KCNG2: variants seen among roughly 807,000 people sequenced by gnomAD.
KCNG2 encodes voltage-gated potassium channel regulatory subunit KCNG2.
A neutral mutation model predicts 12.3 loss-of-function variants in KCNG2; 7 were observed. The ratio of observed to expected loss-of-function variants is 0.57; its 90% CI spans 0.32 to 1.07. KCNG2 has a LOEUF of 1.07. KCNG2 is among the 50% of genes least tolerant of loss of function. The probability of loss-of-function intolerance (pLI) is 0.04; values close to 1 mark genes in which losing one functional copy is unlikely to be tolerated. For missense variants in KCNG2, 703 were observed against 726.0 expected (o/e 0.97, Z 0.36); for synonymous variants, 414 against 351.4 (o/e 1.18, Z -1.99).
chr18:79,814,896 T>C (rs1044507729), intron 1 of KCNG2, among the ~76,000 whole-genome samples: 1 of 146,062 alleles, frequency 6.8e-6, no homozygotes, highest in Non-Finnish European at 1.5e-5. Flanking sequence ...GGCCATGTGC[T>C]TTTACCCTGT....
At chr18:79,852,755 CA>C (rs932572600) in intron 1 of KCNG2, among the ~76,000 whole-genome samples, 44 of 152,264 alleles carry the variant, frequency 2.9e-4, no homozygotes, top group African/African-American at 1.1e-3. Flanking sequence ...CCCGGCCAAT[CA>C]GGGGCGGAGC....
intron 3 of KCNG2, among the ~76,000 whole-genome samples, chr18:79,897,130 GT>G (rs35142950): frequency 0.82 from 122,558 of 150,196 alleles, 52,635 homozygotes; most frequent in Non-Finnish European, 0.95. Context: ...TTAAAAAATT[GT>G]TTTTTTTTTC....
intron 1 of KCNG2, among the ~76,000 whole-genome samples, chr18:79,854,587 C>T (rs946801775): frequency 1.4e-5 from 2 of 141,378 alleles, no homozygotes; most frequent in African/African-American, 5.2e-5. Context: ...AGTGCGGTGG[C>T]GTGATCTTGG....
At chr18:79,865,296 T>A (rs1979435773) in intron 3 of KCNG2, among the ~76,000 whole-genome samples, 2 of 103,628 alleles carry the variant, frequency 1.9e-5, no homozygotes, top group African/African-American at 7.6e-5. Flanking sequence ...GTCTGTGTGC[T>A]GAGGTCTGGG....
At chr18:79,814,115 C>G (rs137926946) in intron 1 of KCNG2, among the ~76,000 whole-genome samples, 1 of 152,286 alleles carries the variant, frequency 6.6e-6, no homozygotes, top group East Asian at 1.9e-4. Context: ...CGAATGCTGA[C>G]AAAGATGCAG....
intron 1 of KCNG2, among the ~76,000 whole-genome samples, chr18:79,804,101 G>C (rs991736412): frequency 6.6e-6 from 1 of 152,190 alleles, no homozygotes; most frequent in African/African-American, 2.4e-5. Flanking sequence ...CTGCCACCTC[G>C]GGGTCTGTGC....
At chr18:79,876,734 G>T (rs182953402) in intron 3 of KCNG2, among the ~76,000 whole-genome samples, 23 of 152,222 alleles carry the variant, frequency 1.5e-4, no homozygotes, top group Non-Finnish European at 2.8e-4. Context: ...CCTGCAGACC[G>T]CCTGGTCTCG....
chr18:79,852,757 G>A (rs1049369918), intron 1 of KCNG2, among the ~76,000 whole-genome samples: 3 of 152,162 alleles, frequency 2.0e-5, no homozygotes, highest in African/African-American at 7.2e-5. Context: ...CGGCCAATCA[G>A]GGGCGGAGCC....
intron 3 of KCNG2, among the ~76,000 whole-genome samples, chr18:79,869,583 C>T (rs1979750222): frequency 6.6e-6 from 1 of 152,194 alleles, no homozygotes; most frequent in South Asian, 2.1e-4. Flanking sequence ...TGCCTTCTCA[C>T]GTGGGATCGT....
chr18:79,813,090 G>A (rs181046667), intron 1 of KCNG2, among the ~76,000 whole-genome samples: 2 of 152,240 alleles, frequency 1.3e-5, no homozygotes, highest in East Asian at 3.8e-4. Flanking sequence ...AGGAGGGGGA[G>A]GTTGCGGTGA....
chr18:79,878,075 G>A (rs935490296), intron 3 of KCNG2, among the ~76,000 whole-genome samples: 8 of 152,272 alleles, frequency 5.3e-5, no homozygotes, highest in Non-Finnish European at 7.3e-5. Flanking sequence ...GTGTGAGCGT[G>A]CCAGGAAATG....
intron 1 of KCNG2, among the ~76,000 whole-genome samples, chr18:79,853,870 C>G (rs1188609360): frequency 6.6e-6 from 1 of 152,238 alleles, no homozygotes; most frequent in Admixed American, 6.5e-5. Flanking sequence ...ACTTGAGTGG[C>G]AGGTGCCTCG....
chr18:79,894,501 T>C (rs1007185026), intron 3 of KCNG2, among the ~76,000 whole-genome samples: 11 of 152,108 alleles, frequency 7.2e-5, no homozygotes, highest in African/African-American at 1.7e-4. Flanking sequence ...TTGATATAGT[T>C]GGGTCTGTGT....
chr18:79,882,689 G>T (rs1021774148), intron 3 of KCNG2, among the ~76,000 whole-genome samples: 36 of 152,252 alleles, frequency 2.4e-4, no homozygotes, highest in African/African-American at 8.2e-4. Flanking sequence ...GAGGGTGCGC[G>T]GCCGGCAAGG....
At chr18:79,857,162 G>T (rs1424149115) in intron 2 of KCNG2, among the ~76,000 whole-genome samples, 1 of 49,212 alleles carries the variant, frequency 2.0e-5, no homozygotes, top group Non-Finnish European at 4.4e-5. Flanking sequence ...TTGGCATGGG[G>T]TGTCTGGCAC....
At chr18:79,839,300 CATAA>C (rs1024528397) in intron 1 of KCNG2, among the ~76,000 whole-genome samples, 16 of 152,102 alleles carry the variant, frequency 1.1e-4, no homozygotes, top group African/African-American at 2.7e-4. Flanking sequence ...ACTCTAAATG[CATAA>C]ATAAATAAAT....
chr18:79,881,922 G>T (rs1568269339), intron 3 of KCNG2, among the ~76,000 whole-genome samples: 1 of 152,194 alleles, frequency 6.6e-6, no homozygotes, highest in African/African-American at 2.4e-5. Context: ...GGGCCAGCCG[G>T]CGTTTGGCAA....
At chr18:79,857,927 G>T (rs182716140) in intron 2 of KCNG2, among the ~76,000 whole-genome samples, 1 of 151,902 alleles carries the variant, frequency 6.6e-6, no homozygotes, top group South Asian at 2.1e-4. Context: ...ACTCCCCATC[G>T]CCCCTCTTCC....
chr18:79,887,944 CGAG>C (rs1980591798), intron 3 of KCNG2, among the ~76,000 whole-genome samples: 1 of 152,080 alleles, frequency 6.6e-6, no homozygotes, highest in Non-Finnish European at 1.5e-5. Flanking sequence ...GGATGTCTGA[CGAG>C]GCCACCGTCT....
Sources: allele counts gnomAD v4.1 joint callset (sites outside exome capture counted in the v4.1 genomes callset), GRCh38; gene constraint gnomAD v4.1.1; transcripts MANE v1.5; gene names NCBI Gene and HGNC (gene_info 2026-07-23, HGNC 2026-07-21).